Variants in NXPE2 observed in about 807,000 individuals in gnomAD.
NXPE2 encodes the protein NXPE family member 2.
Under a neutral mutation model 34.4 loss-of-function variants are expected in NXPE2, and 34 were observed. That is an observed-to-expected ratio of 0.99 (90% CI 0.75 to 1.31). The LOEUF (loss-of-function observed/expected upper bound fraction) is 1.31, where lower values mean the gene tolerates loss of function less well. NXPE2 is among the 40% of genes most tolerant of loss of function. NXPE2 has a pLI of 0.00. For synonymous variants in NXPE2, 235 were observed against 231.3 expected, an observed-to-expected ratio of 1.02 and a Z score of -0.15; for missense variants, 649 against 672.5, an observed-to-expected ratio of 0.97 and a Z score of 0.39.
At chr11:114,724,774 C>T in the NXPE2 span, among the ~76,000 whole-genome samples, 1 of 151,890 alleles carries the variant, frequency 6.6e-6, no homozygotes, top group African/African-American at 2.4e-5. Flanking sequence ...CCTTTTCCAC[C>T]CCTCTCTGCT....
At chr11:114,771,100 T>C in the NXPE2 span, among the ~76,000 whole-genome samples, 1 of 152,068 alleles carries the variant, frequency 6.6e-6, no homozygotes, top group South Asian at 2.1e-4. Context: ...ACTCAATAAA[T>C]GTTCTCCTTT....
At chr11:114,670,443 C>A in the NXPE2 span, among the ~76,000 whole-genome samples, 12 of 151,944 alleles carry the variant, frequency 7.9e-5, no homozygotes, top group Non-Finnish European at 1.2e-4. Context: ...CTCTGTAATC[C>A]CAGCACTGAA....
At chr11:114,580,788 A>C in the NXPE2 span, among the ~76,000 whole-genome samples, 1 of 152,170 alleles carries the variant, frequency 6.6e-6, no homozygotes, top group Non-Finnish European at 1.5e-5. Context: ...AAATATTAAC[A>C]ACTAGTTTGG....
the NXPE2 span, among the ~76,000 whole-genome samples, chr11:114,610,671 G>A: frequency 6.6e-6 from 1 of 151,634 alleles, no homozygotes; most frequent in Non-Finnish European, 1.5e-5. Flanking sequence ...GATAATACAT[G>A]TTGCCTCGTG....
At chr11:114,518,079 C>T in the NXPE2 span, 2 of 152,404 alleles carry the variant, frequency 1.3e-5, no homozygotes, top group African/African-American at 4.8e-5. Flanking sequence ...TGTTCCCACC[C>T]TCTGGGTATA....
chr11:114,741,141 AT>A, the NXPE2 span, among the ~76,000 whole-genome samples: 1 of 152,102 alleles, frequency 6.6e-6, no homozygotes. Context: ...CACTTTAAAT[AT>A]GTCATCCTAC....
the NXPE2 span, among the ~76,000 whole-genome samples, chr11:114,650,784 A>G: frequency 1.3e-5 from 2 of 152,122 alleles, no homozygotes; most frequent in Non-Finnish European, 1.5e-5. Flanking sequence ...AGAACTCTGG[A>G]AAGACTCTCT....
the NXPE2 span, among the ~76,000 whole-genome samples, chr11:114,796,202 G>A: frequency 6.6e-6 from 1 of 152,148 alleles, no homozygotes; most frequent in Non-Finnish European, 1.5e-5. Context: ...TTTAGATTCA[G>A]GGTATACATG....
At chr11:114,665,451 T>C in the NXPE2 span, among the ~76,000 whole-genome samples, 1 of 152,152 alleles carries the variant, frequency 6.6e-6, no homozygotes, top group Non-Finnish European at 1.5e-5. Flanking sequence ...GTGAAAACCA[T>C]CCATATGCCA....
At chr11:114,604,230 G>A in the NXPE2 span, among the ~76,000 whole-genome samples, 5 of 152,086 alleles carry the variant, frequency 3.3e-5, no homozygotes, top group African/African-American at 1.2e-4. Flanking sequence ...ACTGTTACCC[G>A]GTTTATAATA....
At chr11:114,648,592 T>C in the NXPE2 span, among the ~76,000 whole-genome samples, 2 of 152,186 alleles carry the variant, frequency 1.3e-5, no homozygotes, top group Non-Finnish European at 2.9e-5. Context: ...CATGACCCAG[T>C]CAAGTTGATA....
At chr11:114,554,810 G>A in the NXPE2 span, among the ~76,000 whole-genome samples, 1 of 152,150 alleles carries the variant, frequency 6.6e-6, no homozygotes, top group African/African-American at 2.4e-5. Flanking sequence ...AGAAGCTAGT[G>A]AAAATAAAGG....
At chr11:114,681,466 C>A (rs1289189560) in intron 2 of NXPE2, among the ~76,000 whole-genome samples, 1 of 152,284 alleles carries the variant, frequency 6.6e-6, no homozygotes, top group East Asian at 1.9e-4. Context: ...AAATAAAGGG[C>A]ACAGAAACTC....
chr11:114,650,594 G>A, the NXPE2 span, among the ~76,000 whole-genome samples: 1 of 152,166 alleles, frequency 6.6e-6, no homozygotes, highest in African/African-American at 2.4e-5. Context: ...CACTGCAAAG[G>A]GAGGAGGTGG....
the NXPE2 span, among the ~76,000 whole-genome samples, chr11:114,507,132 A>G: frequency 1.3e-5 from 2 of 152,066 alleles, no homozygotes; most frequent in Non-Finnish European, 2.9e-5. Context: ...AAAGAAATGG[A>G]TAAATTCCTG....
the NXPE2 span, among the ~76,000 whole-genome samples, chr11:114,539,245 G>A: frequency 6.7e-6 from 1 of 150,110 alleles, no homozygotes; most frequent in Non-Finnish European, 1.5e-5. Context: ...AGAACACATG[G>A]ACACAGGAAG....
the NXPE2 span, among the ~76,000 whole-genome samples, chr11:114,512,431 TGTTA>T: frequency 6.6e-6 from 1 of 152,110 alleles, no homozygotes; most frequent in Admixed American, 6.5e-5. Flanking sequence ...AGGAAATGGA[TGTTA>T]GTGTCAAACT....
intron 3 of NXPE2, among the ~76,000 whole-genome samples, chr11:114,701,887 C>T (rs1014282757): frequency 6.6e-6 from 1 of 152,160 alleles, no homozygotes; most frequent in African/African-American, 2.4e-5. Context: ...TGACTTTTCA[C>T]ATACTTGGGT....
chr11:114,519,962 G>GCCCAC, the NXPE2 span, among the ~76,000 whole-genome samples: 117 of 118,904 alleles, frequency 9.8e-4, no homozygotes, highest in Non-Finnish European at 1.6e-3. Flanking sequence ...TGCCATCTCG[G>GCCCAC]CGAGCTTGCC....
Sources: gnomAD v4.1 joint callset for allele counts (sites outside exome capture counted in the v4.1 genomes callset) on GRCh38, gnomAD v4.1.1 for gene constraint, MANE v1.5 for transcripts, NCBI Gene and HGNC (gene_info 2026-07-23, HGNC 2026-07-21) for gene names.